The following SNRPN variants were observed in gnomAD, a reference collection of about 807,000 sequenced individuals.
The protein encoded by SNRPN is small nuclear ribonucleoprotein polypeptide N, also known as small nuclear ribonucleoprotein-associated protein N.
In SNRPN, 7 loss-of-function variants were observed where a neutral mutation model predicts 25.2. The observed-to-expected ratio is 0.28, with a 90% CI of 0.16 to 0.52. The LOEUF (loss-of-function observed/expected upper bound fraction) is 0.52. SNRPN is among the 20% of genes least tolerant of loss of function. The pLI is 0.96. For synonymous variants in SNRPN, 124 were observed against 110.6 expected, an observed-to-expected ratio of 1.12 and a Z score of -0.76; for missense variants, 196 against 322.5, an observed-to-expected ratio of 0.61 and a Z score of 3.00.
chr15:24,878,917 G>GT (rs1453988284), intron 1 of SNRPN, among the ~76,000 whole-genome samples: 3 of 151,956 alleles, frequency 2.0e-5, no homozygotes, highest in Non-Finnish European at 4.4e-5. Context: ...GAGAGGACTT[G>GT]TAGAGGCTTC....
chr15:24,848,258 G>GGGCGGGGGCGGCGGCGGCGGGGGCGGC, intron 2 of SNRPN: 1 of 124,234 alleles, frequency 8.0e-6, no homozygotes, highest in Admixed American at 8.4e-5. Context: ...GCGGGGGCGG[G>GGGCGGGGGCGGCGGCGGCGGGGGCGGC]GGCGGGGGCG....
chr15:24,971,157 C>T (rs964967519), intron 3 of SNRPN, among the ~76,000 whole-genome samples: 10 of 151,518 alleles, frequency 6.6e-5, no homozygotes, highest in African/African-American at 1.7e-4. Context: ...TGAAAGTCTA[C>T]AGTTTCCTAA....
chr15:24,846,542 C>T (rs919299652), intron 2 of SNRPN, among the ~76,000 whole-genome samples: 1 of 152,092 alleles, frequency 6.6e-6, no homozygotes, highest in Non-Finnish European at 1.5e-5. Flanking sequence ...CATGGGCATA[C>T]AAACCAAATT....
intron 2 of SNRPN, among the ~76,000 whole-genome samples, chr15:24,848,029 A>C (rs1434607857): frequency 2.6e-5 from 4 of 151,908 alleles, no homozygotes; most frequent in African/African-American, 9.7e-5. Flanking sequence ...ACTCTGATGG[A>C]GAAGTCAGGT....
At chr15:24,926,136 A>G (rs2060362961) in intron 3 of SNRPN, among the ~76,000 whole-genome samples, 1 of 152,170 alleles carries the variant, frequency 6.6e-6, no homozygotes, top group Non-Finnish European at 1.5e-5. Flanking sequence ...AAGTGCTGAG[A>G]TTGCAGGCAT....
At chr15:24,973,500 C>T (rs184254725) in intron 3 of SNRPN, among the ~76,000 whole-genome samples, 7 of 152,208 alleles carry the variant, frequency 4.6e-5, no homozygotes, top group Admixed American at 2.0e-4. Context: ...CAGGTTCAAG[C>T]GATTCTCCTA....
intron 2 of SNRPN, among the ~76,000 whole-genome samples, chr15:24,887,569 C>T (rs554765693): frequency 5.9e-5 from 9 of 151,994 alleles, no homozygotes; most frequent in South Asian, 2.1e-4. Flanking sequence ...TTTGGGAGGC[C>T]GAGGCAGGCT....
At chr15:24,952,998 G>T (rs998815953), upstream of SNRPN, among the ~76,000 whole-genome samples, 6 of 152,152 alleles carry the variant, frequency 3.9e-5, no homozygotes, top group Non-Finnish European at 8.8e-5. Context: ...GCTCCTAGAA[G>T]AAGTAGTACT....
intron 2 of SNRPN, chr15:24,848,225 C>T (rs1183058469): frequency 3.0e-5 from 1 of 33,234 alleles, no homozygotes; most frequent in Non-Finnish European, 5.9e-5. Context: ...GGGGCGGGGG[C>T]GGCGGTGGGG....
At chr15:24,952,595 C>T (rs553977314), upstream of SNRPN, among the ~76,000 whole-genome samples, 37 of 152,158 alleles carry the variant, frequency 2.4e-4, no homozygotes, top group African/African-American at 7.7e-4. Context: ...GACTCCAAAG[C>T]GAATTTCCTA....
At chr15:24,883,511 C>G (rs2056923831) in intron 1 of SNRPN, among the ~76,000 whole-genome samples, 1 of 152,212 alleles carries the variant, frequency 6.6e-6, no homozygotes, top group South Asian at 2.1e-4. Context: ...ACTCCAACCT[C>G]TGTCCCTGCA....
At chr15:24,875,631 G>C (rs2149162119) in intron 1 of SNRPN, among the ~76,000 whole-genome samples, 1 of 152,234 alleles carries the variant, frequency 6.6e-6, no homozygotes, top group South Asian at 2.1e-4. Context: ...ATGTATAAGA[G>C]TTTTCCACTG....
chr15:24,978,636 A>C lies in SNRPN; in HGVS notation c.*192A>C, dbSNP rs1410095636. ...GTTGATTTTGATGAGATCTTAAGTT[A>C]CTGTGGATGAGGGTGATGCCTATTA... On this transcript the variant is annotated 3_prime_UTR_variant, in exon 10 of 10. Transcript: ENST00000390687. 1 of 620,956 alleles carries C rather than the reference A, an allele frequency of 1.6e-6. No homozygotes were observed. Among genetic ancestry groups the C allele is most frequent in the African/African-American group, 1.8e-5 (1 of 54,254 alleles). The allele number at this position is 620,956 out of a possible 1,614,324, so 38.5% of individuals were successfully genotyped here. A position where few individuals can be genotyped will look rare whatever the true frequency, so the allele number is the denominator to read the frequency against.
chr15:24,967,856 C>CTAGTT, intron 2 of SNRPN, 76 bp from the exon 3 acceptor site: 1 of 1,127,690 alleles, frequency 8.9e-7, no homozygotes, highest in Non-Finnish European at 1.3e-6. Flanking sequence ...GTAAGGGTAC[C>CTAGTT]TAGTTTTCTT....
At chr15:24,907,890 T>A (rs1330262280) in intron 2 of SNRPN, among the ~76,000 whole-genome samples, 1 of 150,874 alleles carries the variant, frequency 6.6e-6, no homozygotes, top group Non-Finnish European at 1.5e-5. Flanking sequence ...CTATCTCTAC[T>A]AAAAATACAA....
At chr15:24,941,767 TTTTA>T (rs571831024) in intron 3 of SNRPN, among the ~76,000 whole-genome samples, 30 of 151,774 alleles carry the variant, frequency 2.0e-4, no homozygotes, top group African/African-American at 6.3e-4. Flanking sequence ...AGTTTTTTGT[TTTTA>T]TTTATTTATT....
upstream of SNRPN, among the ~76,000 whole-genome samples, chr15:24,954,085 T>G (rs1361215603): frequency 6.6e-6 from 1 of 152,230 alleles, no homozygotes; most frequent in Non-Finnish European, 1.5e-5. Flanking sequence ...AGGATTATTT[T>G]CTTCTTTTCT....
upstream of SNRPN, among the ~76,000 whole-genome samples, chr15:24,950,568 G>C (rs1236189584): frequency 1.0e-5 from 1 of 96,526 alleles, no homozygotes; most frequent in Admixed American, 1.1e-4. Context: ...TTTTTTTTTG[G>C]TGACAGGTTT....
intron 3 of SNRPN, among the ~76,000 whole-genome samples, chr15:24,945,567 A>G (rs1235718916): frequency 6.6e-6 from 1 of 151,986 alleles, no homozygotes; most frequent in Non-Finnish European, 1.5e-5. Flanking sequence ...AAAAAAATAT[A>G]CAGGCAGCAG....
Sources: allele counts gnomAD v4.1 joint callset (sites outside exome capture counted in the v4.1 genomes callset), GRCh38; gene constraint gnomAD v4.1.1; transcripts MANE v1.5; gene names NCBI Gene and HGNC (gene_info 2026-07-23, HGNC 2026-07-21).